The following MGAT4D variants were observed in gnomAD, a reference collection of about 807,000 sequenced individuals.
MGAT4D encodes the protein MGAT4 family member D.
MGAT4D carries 34 observed loss-of-function variants against 15.9 expected under a neutral mutation model. The observed-to-expected ratio is 2.14, with a 90% CI of 1.62 to 2.84. The LOEUF (loss-of-function observed/expected upper bound fraction) is 2.84, where lower values mean the gene tolerates loss of function less well. MGAT4D is among the 30% of genes most tolerant of loss of function. The pLI is 0.00. For missense variants in MGAT4D, 327 were observed against 140.2 expected (o/e 2.33, Z -6.73); for synonymous variants, 112 against 48.2 (o/e 2.33, Z -5.49).
chr4:140,495,643 A>C (rs1733788121), intron 1 of MGAT4D, among the ~76,000 whole-genome samples: 1 of 152,256 alleles, frequency 6.6e-6, no homozygotes, highest in Admixed American at 6.5e-5. Flanking sequence ...ATATTTGTTC[A>C]TCAAATTATG....
intron 9 of MGAT4D, among the ~76,000 whole-genome samples, chr4:140,452,978 A>G (rs1730566936): frequency 6.6e-6 from 1 of 152,162 alleles, no homozygotes; most frequent in Non-Finnish European, 1.5e-5. Context: ...TATGGCACCA[A>G]TTGATCCAGT....
intron 9 of MGAT4D, among the ~76,000 whole-genome samples, chr4:140,452,789 A>G (rs1039012913): frequency 2.0e-5 from 3 of 152,182 alleles, no homozygotes; most frequent in Non-Finnish European, 2.9e-5. Flanking sequence ...ATTTTTAAAA[A>G]TGCTTTTAGT....
intron 5 of MGAT4D, among the ~76,000 whole-genome samples, chr4:140,465,386 A>G (rs1051701861): frequency 6.6e-5 from 10 of 152,228 alleles, no homozygotes; most frequent in African/African-American, 2.2e-4. Flanking sequence ...GAATTTAATA[A>G]GAGTCCTACT....
intron 1 of MGAT4D, among the ~76,000 whole-genome samples, chr4:140,485,810 TAAAAAAAAA>T (rs61131099): frequency 0.01 from 132 of 13,004 alleles, 1 homozygote; most frequent in African/African-American, 0.023. Flanking sequence ...GACCCTGTCT[TAAAAAAAAA>T]AAAAAAAAAA....
At chr4:140,467,846 G>A (rs1266293930) in intron 5 of MGAT4D, among the ~76,000 whole-genome samples, 5 of 151,792 alleles carry the variant, frequency 3.3e-5, no homozygotes, top group African/African-American at 1.2e-4. Context: ...TTTCATATGA[G>A]GTTATATACA....
intron 9 of MGAT4D, among the ~76,000 whole-genome samples, chr4:140,454,928 C>A (rs1044222013): frequency 1.4e-5 from 2 of 146,528 alleles, no homozygotes; most frequent in Non-Finnish European, 3.0e-5. Context: ...GTGGAGTATG[C>A]TGTGGAACTC....
chr4:140,475,724 T>TA (rs1234399616), intron 3 of MGAT4D, among the ~76,000 whole-genome samples: 1 of 150,452 alleles, frequency 6.6e-6, no homozygotes, highest in Non-Finnish European at 1.5e-5. Flanking sequence ...GAGAAGTACT[T>TA]ACTTAAGAAA....
intron 8 of MGAT4D, chr4:140,459,278 G>T: frequency 4.5e-6 from 1 of 221,748 alleles, no homozygotes; most frequent in Non-Finnish European, 8.7e-6. Context: ...ATGTTTCTAT[G>T]ACTTATGTGT....
chr4:140,489,229 A>G (rs1465768362), intron 1 of MGAT4D, among the ~76,000 whole-genome samples: 2 of 152,180 alleles, frequency 1.3e-5, no homozygotes, highest in Non-Finnish European at 2.9e-5. Context: ...GGTAATTACT[A>G]GAAGATGAAA....
intron 6 of MGAT4D, among the ~76,000 whole-genome samples, chr4:140,464,655 T>A (rs1047547607): frequency 3.3e-5 from 5 of 152,318 alleles, no homozygotes; most frequent in African/African-American, 1.2e-4. Flanking sequence ...GGGATGGACA[T>A]CCTGCTTTGT....
rs1335490474 is a variant in MGAT4D at position 140,471,763 on chromosome 4, G to C, written c.572+12C>G. ...GAATGGCTAATGTAAAAATATATCAGACAGTACTTACTTTTTTGTAATCAT... is the reference window on the plus strand; with the variant it reads ...GAATGGCTAATGTAAAAATATATCACACAGTACTTACTTTTTTGTAATCAT... On this transcript the variant is annotated intron_variant, in intron 5 of 10. Coordinates refer to ENST00000511113, the MANE Select transcript of MGAT4D (RefSeq NM_001277353.2). 1 of 469,630 alleles carries C rather than the reference G, an allele frequency of 2.1e-6. No individual in the cohort carries two copies. Among genetic ancestry groups the C allele is most frequent in the East Asian group, 3.7e-5 (1 of 27,206 alleles). The allele number at this position is 469,630 out of a possible 1,614,324, so 29.1% of individuals were successfully genotyped here.
intron 5 of MGAT4D, among the ~76,000 whole-genome samples, chr4:140,471,416 G>A (rs565031703): frequency 3.6e-4 from 55 of 152,122 alleles, no homozygotes; most frequent in African/African-American, 1.3e-3. Context: ...TACGTGCTTC[G>A]GCTGCTTACA....
chr4:140,469,544 A>G (rs1205376905), intron 5 of MGAT4D, among the ~76,000 whole-genome samples: 1 of 151,690 alleles, frequency 6.6e-6, no homozygotes, highest in Non-Finnish European at 1.5e-5. Flanking sequence ...GATTATCCCT[A>G]TTTCTTTTTA....
At chr4:140,476,234 C>T (rs973490981) in intron 3 of MGAT4D, among the ~76,000 whole-genome samples, 18 of 152,234 alleles carry the variant, frequency 1.2e-4, no homozygotes, top group South Asian at 4.1e-4. Flanking sequence ...ATTCTGAATA[C>T]GAACCCCTTG....
In MGAT4D at chr4:140,449,129, C is replaced by T. The variant is rs534414567; in HGVS notation, c.1116+2281G>A. Among the ~76,000 whole-genome samples, 53 of 152,182 alleles carry T rather than the reference C, an allele frequency of 3.5e-4. No individual in the cohort carries two copies. In the South Asian group the frequency reaches 7.3e-3, roughly 21 times the overall value. ...AGGTAGAAAATCATAGAAATACACA[C>T]GATTAGCTTATCAATTAAGCAAAAA... On this transcript the variant is annotated intron_variant, in intron 10 of 10. Transcript: ENST00000511113.
intron 3 of MGAT4D, among the ~76,000 whole-genome samples, chr4:140,478,305 G>T (rs1162960488): frequency 6.6e-6 from 1 of 152,110 alleles, no homozygotes. Flanking sequence ...CTTTCACTCT[G>T]TGTCATGGGC....
chr4:140,474,747 A>C, intron 4 of MGAT4D, 66 bp downstream of exon 4: 2 of 502,968 alleles, frequency 4.0e-6, no homozygotes, highest in Non-Finnish European at 7.0e-6. Flanking sequence ...GATTATTACC[A>C]TTGAGGAAGG....
chr4:140,494,815 AT>A (rs1412898917), intron 1 of MGAT4D, among the ~76,000 whole-genome samples: 5 of 152,154 alleles, frequency 3.3e-5, no homozygotes, highest in Admixed American at 1.3e-4. Flanking sequence ...GATAGAACCC[AT>A]GGATGCTGCT....
At position 140,456,660 on chromosome 4, in the gene MGAT4D, T is replaced by G; in HGVS notation, c.937A>C (p.Lys313Gln). Residue 313 changes from lysine to glutamine, a missense_variant, in exon 9 of 11, where the codon AAA (lysine) becomes CAA (glutamine). Lys to Gln is a moderately conservative substitution (Grantham distance 53). Transcript: ENST00000511113. ...AAGAGCCAGTCTATGGGTTTCTCTTTGTAGAACATTAAAAAAAACCGTACA... is the reference window on the plus strand; with the variant it reads ...AAGAGCCAGTCTATGGGTTTCTCTTGGTAGAACATTAAAAAAAACCGTACA... ...HFVRFFLMFY[K>Q]EKPIDWLLND... 1.4e-6 allele frequency: 1 copy of G among 699,136 alleles called. No homozygotes were observed. The highest frequency in any genetic ancestry group is 2.6e-6 in the Non-Finnish European group (1 of 383,106). 43.3% of individuals were successfully genotyped at this position (699,136 alleles called of 1,614,324 possible).
Sources: gnomAD v4.1 joint callset for allele counts (sites outside exome capture counted in the v4.1 genomes callset) on GRCh38, gnomAD v4.1.1 for gene constraint, MANE v1.5 for transcripts, NCBI Gene and HGNC (gene_info 2026-07-23, HGNC 2026-07-21) for gene names.